SLC24A2: variants seen among roughly 807,000 people sequenced by gnomAD.
SLC24A2 encodes sodium/potassium/calcium exchanger 2.
In SLC24A2, 36 loss-of-function variants were observed where a neutral mutation model predicts 62.0. The ratio of observed to expected loss-of-function variants is 0.58; its 90% CI spans 0.44 to 0.77. The LOEUF (loss-of-function observed/expected upper bound fraction) is 0.77, where lower values mean the gene tolerates loss of function less well. Ranked by LOEUF, SLC24A2 falls within the 30% of genes least tolerant of loss-of-function variation. The probability of loss-of-function intolerance (pLI) is 0.00; values close to 1 mark genes in which losing one functional copy is unlikely to be tolerated. For synonymous variants in SLC24A2, 358 were observed against 294.0 expected (o/e 1.22, Z -2.23); for missense variants, 846 against 817.9 (o/e 1.03, Z -0.42).
chr9:19,704,416 T>C (rs1820447813), intron 2 of SLC24A2, among the ~76,000 whole-genome samples: 2 of 152,178 alleles, frequency 1.3e-5, no homozygotes, highest in South Asian at 2.1e-4. Context: ...TGTGTGTATG[T>C]GCAAGACAGA....
chr9:19,854,945 A>G, the SLC24A2 span, among the ~76,000 whole-genome samples: 1 of 152,132 alleles, frequency 6.6e-6, no homozygotes. Context: ...GCAGGTCTCT[A>G]AGAACTTGTT....
chr9:19,516,089 G>A lies in SLC24A2; in HGVS notation c.*64C>T. 1 of 1,604,488 alleles carries A rather than the reference G, an allele frequency of 6.2e-7. No homozygotes were observed. Among genetic ancestry groups the A allele is most frequent in the Non-Finnish European group, 8.5e-7 (1 of 1,172,072 alleles). ...AGCTGCCTCTTCTCAAGAGGTCAAG[G>A]AGCCCAGAGCCCAGAGTGTGGAGGG... On this transcript the variant is annotated 3_prime_UTR_variant, in exon 11 of 11. Transcript: ENST00000341998.
chr9:20,073,907 T>C, the SLC24A2 span, among the ~76,000 whole-genome samples: 1 of 140,092 alleles, frequency 7.1e-6, no homozygotes, highest in Non-Finnish European at 1.5e-5. Flanking sequence ...TATATATATA[T>C]CCTTGTGGGG....
the SLC24A2 span, among the ~76,000 whole-genome samples, chr9:19,951,281 A>T: frequency 2.7e-5 from 4 of 149,770 alleles, no homozygotes; most frequent in East Asian, 7.8e-4. Flanking sequence ...TATTCTGGAT[A>T]TTTTTTTCAA....
At chr9:20,107,633 G>C in the SLC24A2 span, among the ~76,000 whole-genome samples, 2 of 152,120 alleles carry the variant, frequency 1.3e-5, no homozygotes, top group Non-Finnish European at 2.9e-5. Flanking sequence ...GGGAAAACTG[G>C]CTAGCCATAT....
the SLC24A2 span, among the ~76,000 whole-genome samples, chr9:20,056,614 C>G: frequency 6.6e-6 from 1 of 152,166 alleles, no homozygotes; most frequent in Non-Finnish European, 1.5e-5. Context: ...TGTGTGAATT[C>G]CCTGTTGAAT....
the SLC24A2 span, among the ~76,000 whole-genome samples, chr9:20,252,883 C>T: frequency 2.6e-5 from 4 of 152,242 alleles, no homozygotes; most frequent in African/African-American, 9.6e-5. Context: ...AACTAAGTAG[C>T]TGGTGCTTCC....
chr9:19,923,465 C>A, the SLC24A2 span, among the ~76,000 whole-genome samples: 54 of 152,278 alleles, frequency 3.5e-4, no homozygotes, highest in Non-Finnish European at 5.1e-4. Context: ...GCCCTGGGAC[C>A]TTTCCTGACC....
chr9:20,182,247 A>T, the SLC24A2 span, among the ~76,000 whole-genome samples: 5 of 152,226 alleles, frequency 3.3e-5, no homozygotes, highest in African/African-American at 7.2e-5. Flanking sequence ...AGGATCCAGA[A>T]CTAGAAATAC....
intron 5 of SLC24A2, among the ~76,000 whole-genome samples, chr9:19,582,241 A>G (rs1266471158): frequency 6.6e-6 from 1 of 152,192 alleles, no homozygotes; most frequent in East Asian, 1.9e-4. Flanking sequence ...TTCATGCTGC[A>G]TGGAAAAACA....
the SLC24A2 span, among the ~76,000 whole-genome samples, chr9:19,901,677 C>T: frequency 1.3e-5 from 2 of 152,108 alleles, no homozygotes; most frequent in Non-Finnish European, 2.9e-5. Context: ...GTAGTATCTA[C>T]AATTAGGCCC....
the SLC24A2 span, among the ~76,000 whole-genome samples, chr9:19,848,460 T>C: frequency 6.6e-6 from 1 of 152,196 alleles, no homozygotes; most frequent in Admixed American, 6.5e-5. Context: ...GTGTGGAGAA[T>C]AAATGACACA....
At chr9:19,665,277 C>T (rs1049176016) in intron 2 of SLC24A2, among the ~76,000 whole-genome samples, 1 of 152,146 alleles carries the variant, frequency 6.6e-6, no homozygotes, top group Non-Finnish European at 1.5e-5. Context: ...TTTACGCTCA[C>T]TGGTGGCAGT....
chr9:19,921,575 T>C, the SLC24A2 span, among the ~76,000 whole-genome samples: 2 of 151,562 alleles, frequency 1.3e-5, no homozygotes, highest in East Asian at 1.9e-4. Flanking sequence ...ATATGCAATA[T>C]TGAATAATCT....
At chr9:20,172,336 A>G in the SLC24A2 span, among the ~76,000 whole-genome samples, 2 of 152,062 alleles carry the variant, frequency 1.3e-5, no homozygotes, top group African/African-American at 4.8e-5. Flanking sequence ...GAAGAAAGGA[A>G]ATAACCAGTA....
chr9:19,751,640 T>C (rs1292755918), intron 2 of SLC24A2, among the ~76,000 whole-genome samples: 1 of 151,576 alleles, frequency 6.6e-6, no homozygotes, highest in Admixed American at 6.6e-5. Context: ...ACATGGGGAG[T>C]AGAGAGTTCC....
the SLC24A2 span, among the ~76,000 whole-genome samples, chr9:20,115,011 T>G: frequency 6.6e-6 from 1 of 152,090 alleles, no homozygotes; most frequent in Non-Finnish European, 1.5e-5. Flanking sequence ...TTAAATACGC[T>G]TTTCATAGAG....
chr9:19,866,097 G>A, the SLC24A2 span, among the ~76,000 whole-genome samples: 1 of 152,070 alleles, frequency 6.6e-6, no homozygotes, highest in Non-Finnish European at 1.5e-5. Context: ...CATATGAAAA[G>A]GTGCTCAACA....
chr9:19,902,559 G>C, the SLC24A2 span, among the ~76,000 whole-genome samples: 3 of 152,158 alleles, frequency 2.0e-5, no homozygotes, highest in South Asian at 6.2e-4. Context: ...CCAGTAAGCA[G>C]TTAAGTTTAG....
Sources: allele counts gnomAD v4.1 joint callset (sites outside exome capture counted in the v4.1 genomes callset), GRCh38; gene constraint gnomAD v4.1.1; transcripts MANE v1.5; gene names NCBI Gene and HGNC (gene_info 2026-07-23, HGNC 2026-07-21).